The following SLAMF9 variants were observed in gnomAD, a reference collection of about 807,000 sequenced individuals.
The protein encoded by SLAMF9 is SLAM family member 9.
Under a neutral mutation model 30.4 loss-of-function variants are expected in SLAMF9, and 25 were observed. That is an observed-to-expected ratio of 0.82 (90% CI 0.60 to 1.15). The LOEUF is 1.15. SLAMF9 is among the 50% of genes most tolerant of loss of function. The pLI, the probability that SLAMF9 is intolerant of heterozygous loss-of-function variation, is 0.00. For missense variants in SLAMF9, 344 were observed against 346.1 expected (o/e 0.99, Z 0.05); for synonymous variants, 129 against 127.2 (o/e 1.01, Z -0.09).
chr1:159,958,693 G>A (rs1346334286), upstream of SLAMF9, among the ~76,000 whole-genome samples: 1 of 152,022 alleles, frequency 6.6e-6, no homozygotes, highest in East Asian at 1.9e-4. Flanking sequence ...TTAAACTCCT[G>A]GACTCAGGGG....
At chr1:159,955,082 CAAAA>C (rs565653639), upstream of SLAMF9, among the ~76,000 whole-genome samples, 1 of 56,414 alleles carries the variant, frequency 1.8e-5, no homozygotes, top group Admixed American at 1.9e-4. Context: ...TGTCTCAAAG[CAAAA>C]AAAAAAAAAA....
the SLAMF9 span, chr1:159,976,922 A>AAGAG: frequency 3.7e-3 from 3 of 806 alleles, no homozygotes; most frequent in Non-Finnish European, 0.053. Flanking sequence ...AAAAGAAAGA[A>AAGAG]AGAAAGAAAG....
At chr1:159,982,782 G>A in the SLAMF9 span, among the ~76,000 whole-genome samples, 3 of 152,212 alleles carry the variant, frequency 2.0e-5, no homozygotes, top group Non-Finnish European at 4.4e-5. Flanking sequence ...TGTAATCCCA[G>A]CACTCTGGGA....
chr1:159,977,804 T>G, the SLAMF9 span, among the ~76,000 whole-genome samples: 1 of 152,098 alleles, frequency 6.6e-6, no homozygotes, highest in Non-Finnish European at 1.5e-5. Flanking sequence ...CAGACAGACA[T>G]TTCCAAACAG....
chr1:159,959,486 CAA>C, the SLAMF9 span, among the ~76,000 whole-genome samples: 1 of 152,074 alleles, frequency 6.6e-6, no homozygotes, highest in Non-Finnish European at 1.5e-5. Context: ...CTACCCATGA[CAA>C]ACATTCCTTG....
the SLAMF9 span, among the ~76,000 whole-genome samples, chr1:159,962,989 C>A: frequency 1.3e-5 from 2 of 152,164 alleles, no homozygotes; most frequent in African/African-American, 2.4e-5. Flanking sequence ...GCTGCCCTTA[C>A]CTTTTTGAGT....
the SLAMF9 span, chr1:159,983,052 A>G: frequency 1.3e-5 from 2 of 152,238 alleles, no homozygotes; most frequent in East Asian, 3.8e-4. Flanking sequence ...AGAAAAAAAG[A>G]AACATATCAA....
chr1:159,957,907 G>T (rs1053988511), upstream of SLAMF9, among the ~76,000 whole-genome samples: 1 of 152,198 alleles, frequency 6.6e-6, no homozygotes, highest in African/African-American at 2.4e-5. Context: ...AGAAGCTGGA[G>T]TTCAGAGATA....
In SLAMF9 at chr1:159,951,854, G is replaced by A; in HGVS notation, c.677C>T (p.Ala226Val). Residue 226 changes from alanine (A) to valine (V), a missense_variant, in exon 4 of 4, where the codon GCT becomes GTT. Coordinates refer to ENST00000368093, the MANE Select transcript of SLAMF9 (RefSeq NM_033438.4). ...GAAGGCTGTTGAAGGCTTCTCAGAA[G>A]CATAGTTAGGATCTGGGGTGGAAGA... ...DGPFYADPNY[A>V]SEKPSTAFCL... 1 of 1,614,114 alleles carries A rather than the reference G, an allele frequency of 6.2e-7. No homozygotes were observed.
chr1:159,960,160 C>T, the SLAMF9 span, among the ~76,000 whole-genome samples: 58 of 109,588 alleles, frequency 5.3e-4, no homozygotes, highest in African/African-American at 1.8e-3. Flanking sequence ...TGCTATCCCT[C>T]CCCCCTCCCC....
the SLAMF9 span, among the ~76,000 whole-genome samples, chr1:159,964,798 T>G: frequency 3.9e-5 from 6 of 152,328 alleles, no homozygotes; most frequent in East Asian, 9.6e-4. Flanking sequence ...GTGTTATTAT[T>G]ATTGTCATCA....
chr1:159,953,299 C>T lies in SLAMF9; in HGVS notation c.391+10G>A, dbSNP rs757168212. 161 of 1,588,706 alleles carry T rather than the reference C, an allele frequency of 1.0e-4. No homozygotes were observed. The Admixed American group carries it at 2.7e-3, about 27-fold the overall frequency. On this transcript the variant is annotated intron_variant, in intron 2 of 3. Coordinates refer to ENST00000368093, the MANE Select transcript of SLAMF9 (RefSeq NM_033438.4). ...CAAAACCAGCTTTATGGTTCCCAGCCTAAACTCACGGTAGACACATATATT... is the reference window on the plus strand; with the variant it reads ...CAAAACCAGCTTTATGGTTCCCAGCTTAAACTCACGGTAGACACATATATT...
chr1:159,960,003 G>A, the SLAMF9 span, among the ~76,000 whole-genome samples: 1,292 of 150,614 alleles, frequency 8.6e-3, 11 homozygotes, highest in African/African-American at 0.029. Flanking sequence ...TTATCCACCT[G>A]ACTTCTTTAT....
chr1:159,980,931 G>A, the SLAMF9 span, among the ~76,000 whole-genome samples: 11 of 152,296 alleles, frequency 7.2e-5, no homozygotes, highest in South Asian at 4.1e-4. Flanking sequence ...CTTTCTTTGC[G>A]TCACACGCAG....
chr1:159,969,394 A>T, the SLAMF9 span, among the ~76,000 whole-genome samples: 4 of 152,338 alleles, frequency 2.6e-5, no homozygotes, highest in South Asian at 6.2e-4. Flanking sequence ...CTTAAAAAAA[A>T]ATCCATGCAA....
At chr1:159,960,444 AG>A in the SLAMF9 span, among the ~76,000 whole-genome samples, 7 of 147,146 alleles carry the variant, frequency 4.8e-5, no homozygotes, top group South Asian at 1.5e-3. Flanking sequence ...TTCTGCTTCC[AG>A]GCTTTCTCTG....
In SLAMF9 at chr1:159,954,167, TTCAG is replaced by T. The variant is rs1160586987; in HGVS notation, c.-34_-31del. Reference sequence around the variant, plus strand: ...GCAGCCCCCAGCCCCAGAGGTGTGATTCAGTCAGTCAGTCCCCAGGACTGTGCAG... The same window carrying T: ...GCAGCCCCCAGCCCCAGAGGTGTGATTCAGTCAGTCCCCAGGACTGTGCAG... On this transcript the variant is annotated 5_prime_UTR_variant, in exon 1 of 4. The change abolishes the stop of an existing upstream ORF in the 5' untranslated region. Transcript: ENST00000368093. 16 of 1,613,718 alleles carry T rather than the reference TTCAG, an allele frequency of 9.9e-6. No homozygotes were observed. The East Asian group carries it at 2.5e-4, about 25-fold the overall frequency.
the SLAMF9 span, among the ~76,000 whole-genome samples, chr1:159,961,577 C>T: frequency 6.6e-6 from 1 of 152,034 alleles, no homozygotes; most frequent in East Asian, 1.9e-4. Flanking sequence ...TCAATTGAAC[C>T]ATGAAGGTGG....
chr1:159,980,921 C>T, the SLAMF9 span, among the ~76,000 whole-genome samples: 1 of 152,252 alleles, frequency 6.6e-6, no homozygotes, highest in Non-Finnish European at 1.5e-5. Flanking sequence ...ACCCACCTGA[C>T]TTTCTTTGCG....
Sources: allele counts gnomAD v4.1 joint callset (sites outside exome capture counted in the v4.1 genomes callset), GRCh38; gene constraint gnomAD v4.1.1; transcripts MANE v1.5; gene names NCBI Gene and HGNC (gene_info 2026-07-23, HGNC 2026-07-21).